Variants in CACNA2D3 observed in about 807,000 individuals in gnomAD.
CACNA2D3 encodes voltage-dependent calcium channel subunit alpha-2/delta-3.
A neutral mutation model predicts 160.6 loss-of-function variants in CACNA2D3; 60 were observed. The ratio of observed to expected loss-of-function variants is 0.37; its 90% CI spans 0.30 to 0.46. The LOEUF is 0.46. CACNA2D3 is among the 20% of genes least tolerant of loss of function. The pLI is 1.00. For missense variants in CACNA2D3, 1,205 were observed against 1,365.0 expected (o/e 0.88, Z 1.85); for synonymous variants, 558 against 492.9 (o/e 1.13, Z -1.75).
rs572544598 is a variant in CACNA2D3, at chr3:54,809,401, C to T, written c.1381-7452C>T. ...TGGCGCAATCTCGGCTCACTGCAAGCTCCGCTTCCCGGGTTCACGCCATTC... is the reference window on the plus strand; with the variant it reads ...TGGCGCAATCTCGGCTCACTGCAAGTTCCGCTTCCCGGGTTCACGCCATTC... On this transcript the variant is annotated intron_variant, in intron 13 of 37. Transcript: ENST00000474759. Among the ~76,000 whole-genome samples, 11 of 136,510 alleles carry T rather than the reference C, an allele frequency of 8.1e-5. 1 individual carries two copies. The highest frequency in any genetic ancestry group is 4.3e-4 in the Admixed American group (6 of 13,882). The allele number at this position is 136,510 out of a possible 152,430, so 89.6% of individuals were successfully genotyped here.
intron 31 of CACNA2D3, among the ~76,000 whole-genome samples, chr3:54,988,361 C>T (rs1426179637): frequency 6.6e-6 from 1 of 151,894 alleles, no homozygotes; most frequent in Non-Finnish European, 1.5e-5. Context: ...GAGCAGCTTC[C>T]TTATGGCCCC....
At chr3:54,918,697 T>C (rs1700740555) in intron 27 of CACNA2D3, 4 of 1,614,156 alleles carry the variant, frequency 2.5e-6, no homozygotes, top group East Asian at 2.2e-5. Context: ...CTCCAAGAGT[T>C]CTCGCTCCCC....
chr3:54,404,438 C>T (rs1047100111), intron 4 of CACNA2D3, among the ~76,000 whole-genome samples: 14 of 152,150 alleles, frequency 9.2e-5, no homozygotes, highest in Non-Finnish European at 1.5e-4. Context: ...AACATCCTTT[C>T]TTGATGAAAA....
At chr3:54,756,510 T>C (rs551951892) in intron 12 of CACNA2D3, among the ~76,000 whole-genome samples, 93 of 152,328 alleles carry the variant, frequency 6.1e-4, no homozygotes, top group African/African-American at 2.2e-3. Context: ...TCAAGTGTCA[T>C]GAGGTCCAGA....
chr3:54,918,818 CAT>C (rs750519493), intron 27 of CACNA2D3: 3 of 1,610,796 alleles, frequency 1.9e-6, no homozygotes, highest in Non-Finnish European at 2.5e-6. Flanking sequence ...TGGTACAGCT[CAT>C]GAGGGATCCT....
At chr3:54,623,227 C>T (rs555666296) in intron 9 of CACNA2D3, among the ~76,000 whole-genome samples, 1 of 152,336 alleles carries the variant, frequency 6.6e-6, no homozygotes, top group African/African-American at 2.4e-5. Flanking sequence ...TCCATGTGGG[C>T]TTTGCTCTCT....
rs185689942 is a variant in CACNA2D3 at position 54,579,896 on chromosome 3, C to T, written c.889-1907C>T. Among the ~76,000 whole-genome samples, 8 of 152,172 alleles carry T rather than the reference C, an allele frequency of 5.3e-5. No individual in the cohort carries two copies. The East Asian group carries it at 1.5e-3, about 29-fold the overall frequency. ...ATGCCTTGTTAGAAGATATTTAAGC[C>T]CTCAAATCATTGGGATATAATTTTT... On this transcript the variant is annotated intron_variant, in intron 8 of 37. Coordinates refer to ENST00000474759, the MANE Select transcript of CACNA2D3 (RefSeq NM_018398.3).
At chr3:54,693,917 T>C (rs1700611572) in intron 11 of CACNA2D3, among the ~76,000 whole-genome samples, 1 of 152,122 alleles carries the variant, frequency 6.6e-6, no homozygotes, top group African/African-American at 2.4e-5. Flanking sequence ...AATCAAAAGG[T>C]TAAAAAAATT....
In CACNA2D3 at chr3:54,224,940, C is replaced by CTTTT. The variant is rs58653320; in HGVS notation, c.205-95487_205-95484dup. Among the ~76,000 whole-genome samples, 127 of 127,986 alleles carry CTTTT rather than the reference C, an allele frequency of 9.9e-4. 1 individual carries two copies. Among genetic ancestry groups the CTTTT allele is most frequent in the African/African-American group, 3.5e-3 (121 of 34,650 alleles). The allele number at this position is 127,986 out of a possible 152,430, so 84.0% of individuals were successfully genotyped here. On this transcript the variant is annotated intron_variant, in intron 2 of 37. Coordinates refer to ENST00000474759, the MANE Select transcript of CACNA2D3 (RefSeq NM_018398.3). Reference sequence around the variant, plus strand: ...GCTTCCTGAATTTGTGACTGAATATCTTTTTTTTTTTTTTTTTTACTTTAT... The same window carrying CTTTT: ...GCTTCCTGAATTTGTGACTGAATATCTTTTTTTTTTTTTTTTTTTTTTACTTTAT...
At chr3:55,070,093 C>T (rs144055900) in intron 35 of CACNA2D3, among the ~76,000 whole-genome samples, 20 of 152,328 alleles carry the variant, frequency 1.3e-4, no homozygotes, top group Non-Finnish European at 2.2e-4. Context: ...CCAGGCACAA[C>T]CCTAGGTGCT....
intron 35 of CACNA2D3, among the ~76,000 whole-genome samples, chr3:55,036,804 T>G (rs1324661587): frequency 6.6e-6 from 1 of 152,170 alleles, no homozygotes; most frequent in African/African-American, 2.4e-5. Context: ...AGCAAAGGAA[T>G]TTGACTTTTC....
chr3:54,715,114 G>A (rs1690492071), intron 11 of CACNA2D3, among the ~76,000 whole-genome samples: 1 of 152,192 alleles, frequency 6.6e-6, no homozygotes, highest in South Asian at 2.1e-4. Context: ...ACAGTTGCAA[G>A]TAGTAGATTG....
At chr3:54,188,268 C>CAAACAAAA (rs1700916072) in intron 2 of CACNA2D3, among the ~76,000 whole-genome samples, 1 of 131,400 alleles carries the variant, frequency 7.6e-6, no homozygotes, top group Non-Finnish European at 1.6e-5. Flanking sequence ...AACAAACAAA[C>CAAACAAAA]AAAAAAACCA....
chr3:54,193,418 A>C (rs1701017347), intron 2 of CACNA2D3, among the ~76,000 whole-genome samples: 1 of 152,170 alleles, frequency 6.6e-6, no homozygotes, highest in African/African-American at 2.4e-5. Context: ...AATTAGCTAG[A>C]GCTTCTCCTC....
chr3:54,631,598 C>T (rs558330699), intron 10 of CACNA2D3, among the ~76,000 whole-genome samples: 4 of 152,328 alleles, frequency 2.6e-5, no homozygotes, highest in African/African-American at 9.6e-5. Context: ...TAGAATGGTT[C>T]AGAGGTTACT....
At chr3:54,720,734 A>G (rs1701153350) in intron 11 of CACNA2D3, among the ~76,000 whole-genome samples, 1 of 152,064 alleles carries the variant, frequency 6.6e-6, no homozygotes, top group South Asian at 2.1e-4. Flanking sequence ...TCTGCTTAAC[A>G]TTTCAGCTTT....
intron 27 of CACNA2D3, among the ~76,000 whole-genome samples, chr3:54,913,996 A>G (rs1231337368): frequency 6.6e-6 from 1 of 152,184 alleles, no homozygotes; most frequent in Admixed American, 6.5e-5. Flanking sequence ...CCCTTATCCA[A>G]ATACTTAGTA....
intron 3 of CACNA2D3, among the ~76,000 whole-genome samples, chr3:54,369,111 A>G (rs1698877735): frequency 1.3e-5 from 2 of 152,146 alleles, no homozygotes; most frequent in East Asian, 1.9e-4. Flanking sequence ...AACAATAAGT[A>G]TACATATATC....
At chr3:54,909,978 G>T (rs1014115775) in intron 27 of CACNA2D3, among the ~76,000 whole-genome samples, 3 of 152,138 alleles carry the variant, frequency 2.0e-5, no homozygotes, top group African/African-American at 7.2e-5. Context: ...AAAATGCTTT[G>T]ATCAGTGTCT....
Sources: allele counts gnomAD v4.1 joint callset (sites outside exome capture counted in the v4.1 genomes callset), GRCh38; gene constraint gnomAD v4.1.1; transcripts MANE v1.5; gene names NCBI Gene and HGNC (gene_info 2026-07-23, HGNC 2026-07-21).